FHIT: variants seen among roughly 807,000 people sequenced by gnomAD.
FHIT encodes fragile histidine triad diadenosine triphosphatase.
A neutral mutation model predicts 17.9 loss-of-function variants in FHIT; 19 were observed. That is an observed-to-expected ratio of 1.06 (90% confidence interval 0.74 to 1.56). The LOEUF (loss-of-function observed/expected upper bound fraction) is 1.56. Ranked by LOEUF, FHIT falls within the 40% of genes most tolerant of loss-of-function variation. FHIT has a pLI of 0.00. For synonymous variants in FHIT, 81 were observed against 69.7 expected (o/e 1.16, Z -0.81); for missense variants, 248 against 189.2 (o/e 1.31, Z -1.82).
intron 5 of FHIT, among the ~76,000 whole-genome samples, chr3:60,100,333 G>A (rs951572914): frequency 6.6e-6 from 1 of 152,046 alleles, no homozygotes; most frequent in Admixed American, 6.5e-5. Flanking sequence ...GCACTGAGCT[G>A]AGATTGTGCC....
chr3:60,556,392 C>T (rs1337530711), intron 4 of FHIT, among the ~76,000 whole-genome samples: 1 of 152,222 alleles, frequency 6.6e-6, no homozygotes, highest in Non-Finnish European at 1.5e-5. Context: ...GAAGATGCAA[C>T]TGATCCAAAA....
At chr3:60,100,395 T>C (rs912705097) in intron 5 of FHIT, among the ~76,000 whole-genome samples, 10 of 151,892 alleles carry the variant, frequency 6.6e-5, no homozygotes, top group Admixed American at 3.3e-4. Context: ...AAAAAAAAAA[T>C]TGTGATTTTT....
intron 4 of FHIT, among the ~76,000 whole-genome samples, chr3:60,713,701 A>C (rs2041604067): frequency 6.6e-6 from 1 of 152,232 alleles, no homozygotes; most frequent in Non-Finnish European, 1.5e-5. Flanking sequence ...ATTCCTCGAC[A>C]CATACACTCT....
chr3:60,315,777 G>A (rs1709137925), intron 5 of FHIT, among the ~76,000 whole-genome samples: 1 of 152,152 alleles, frequency 6.6e-6, no homozygotes, highest in Non-Finnish European at 1.5e-5. Flanking sequence ...CTTCCTGGTG[G>A]ACAAATGCAC....
chr3:61,126,020 A>T (rs931850281), intron 2 of FHIT, among the ~76,000 whole-genome samples: 1 of 152,172 alleles, frequency 6.6e-6, no homozygotes, highest in African/African-American at 2.4e-5. Flanking sequence ...TCCAGTGCTT[A>T]GCTAAGTCTT....
intron 5 of FHIT, among the ~76,000 whole-genome samples, chr3:60,293,888 C>A (rs2106672994): frequency 6.6e-6 from 1 of 152,046 alleles, no homozygotes; most frequent in South Asian, 2.1e-4. Flanking sequence ...GGGAGGTAAA[C>A]CAAAATCTTA....
intron 8 of FHIT, among the ~76,000 whole-genome samples, chr3:59,843,517 A>AAAC (rs556540251): frequency 6.6e-6 from 1 of 152,182 alleles, no homozygotes; most frequent in Non-Finnish European, 1.5e-5. Context: ...ATAGTATTGA[A>AAAC]AACAATATTA....
At chr3:60,537,183 G>A (rs1363809473) in intron 4 of FHIT, among the ~76,000 whole-genome samples, 1 of 151,946 alleles carries the variant, frequency 6.6e-6, no homozygotes, top group Non-Finnish European at 1.5e-5. Context: ...GTGTTTCCTT[G>A]ATTAGAGTTA....
intron 4 of FHIT, among the ~76,000 whole-genome samples, chr3:60,558,995 T>C (rs765760259): frequency 2.0e-5 from 3 of 152,162 alleles, no homozygotes; most frequent in Non-Finnish European, 4.4e-5. Context: ...CTTCTAGCAT[T>C]GAAATAACAT....
chr3:61,170,664 G>C (rs1274293630), intron 2 of FHIT, among the ~76,000 whole-genome samples: 1 of 152,076 alleles, frequency 6.6e-6, no homozygotes, highest in Non-Finnish European at 1.5e-5. Flanking sequence ...TAAGGATAAT[G>C]GCCTCCATCT....
At chr3:60,359,277 CT>C (rs71089599) in intron 5 of FHIT, among the ~76,000 whole-genome samples, 4,770 of 109,850 alleles carry the variant, frequency 0.043, 31 homozygotes, top group African/African-American at 0.089. Context: ...ATGAAAATAT[CT>C]TTTTTTTTTT....
At chr3:60,894,332 T>A (rs1705676481) in intron 3 of FHIT, among the ~76,000 whole-genome samples, 1 of 152,216 alleles carries the variant, frequency 6.6e-6, no homozygotes, top group South Asian at 2.1e-4. Context: ...ATGCATGGCT[T>A]ATTCCCAGAG....
intron 5 of FHIT, among the ~76,000 whole-genome samples, chr3:60,502,353 CCT>C (rs1337108723): frequency 1.3e-5 from 2 of 152,136 alleles, no homozygotes; most frequent in South Asian, 2.1e-4. Flanking sequence ...GTAAGAAGCC[CCT>C]GTCTCCAAGG....
At chr3:60,303,374 G>A (rs9867642) in intron 5 of FHIT, among the ~76,000 whole-genome samples, 84,934 of 152,028 alleles carry the variant, frequency 0.56, 24,769 homozygotes, top group East Asian at 0.96. Flanking sequence ...ATTGCCAAAT[G>A]CTGCCTGTGA....
At chr3:60,653,363 A>C (rs9311769) in intron 4 of FHIT, among the ~76,000 whole-genome samples, 5,281 of 152,262 alleles carry the variant, frequency 0.035, 314 homozygotes, top group African/African-American at 0.12. Flanking sequence ...TAAAAAATTC[A>C]ATAGAAAGTT....
chr3:60,067,753 T>A (rs917504537), intron 5 of FHIT, among the ~76,000 whole-genome samples: 1 of 152,196 alleles, frequency 6.6e-6, no homozygotes, highest in Non-Finnish European at 1.5e-5. Flanking sequence ...CCCCATTCCA[T>A]CATTAAATAC....
chr3:61,116,557 T>C (rs1048742580), intron 2 of FHIT, among the ~76,000 whole-genome samples: 6 of 152,174 alleles, frequency 3.9e-5, no homozygotes, highest in Non-Finnish European at 8.8e-5. Context: ...TAAGTGGTAA[T>C]AATAACATTA....
intron 5 of FHIT, among the ~76,000 whole-genome samples, chr3:60,302,279 A>T (rs555751586): frequency 6.6e-6 from 1 of 152,048 alleles, no homozygotes; most frequent in East Asian, 1.9e-4. Context: ...CTAAATGTTT[A>T]TATCTTCAGT....
chr3:60,710,182 A>G (rs1347709927), intron 4 of FHIT, among the ~76,000 whole-genome samples: 1 of 152,060 alleles, frequency 6.6e-6, no homozygotes, highest in Non-Finnish European at 1.5e-5. Flanking sequence ...ATTTTTTTTA[A>G]CCATAGTGCA....
Sources: allele counts gnomAD v4.1 joint callset (sites outside exome capture counted in the v4.1 genomes callset), GRCh38; gene constraint gnomAD v4.1.1; transcripts MANE v1.5; gene names NCBI Gene and HGNC (gene_info 2026-07-23, HGNC 2026-07-21).